The following HS3ST4 variants were observed in gnomAD, a reference collection of about 807,000 sequenced individuals.
HS3ST4 encodes heparan sulfate-glucosamine 3-sulfotransferase 4, also known as heparan sulfate glucosamine 3-O-sulfotransferase 4.
In HS3ST4, 17 loss-of-function variants were observed where a neutral mutation model predicts 29.2. The ratio of observed to expected loss-of-function variants is 0.58; its 90% confidence interval spans 0.40 to 0.87. The LOEUF (loss-of-function observed/expected upper bound fraction) is 0.87. Ranked by LOEUF, HS3ST4 falls within the 40% of genes least tolerant of loss-of-function variation. HS3ST4 has a pLI of 0.00. For missense variants in HS3ST4, 627 were observed against 634.5 expected, an observed-to-expected ratio of 0.99 and a Z score of 0.13; for synonymous variants, 314 against 285.7, an observed-to-expected ratio of 1.10 and a Z score of -1.00.
chr16:25,959,052 G>A (rs981092159), intron 1 of HS3ST4, among the ~76,000 whole-genome samples: 4 of 152,214 alleles, frequency 2.6e-5, no homozygotes, highest in African/African-American at 9.6e-5. Flanking sequence ...CACCACATGA[G>A]GAGTTGGGAG....
chr16:25,883,263 C>T (rs1191074328), intron 1 of HS3ST4, among the ~76,000 whole-genome samples: 1 of 151,218 alleles, frequency 6.6e-6, no homozygotes. Context: ...AAAAGACAGG[C>T]TCTTGAAACT....
chr16:25,973,776 C>T (rs1968918245), intron 1 of HS3ST4, among the ~76,000 whole-genome samples: 1 of 152,168 alleles, frequency 6.6e-6, no homozygotes, highest in Non-Finnish European at 1.5e-5. Context: ...GTTTTATGAG[C>T]TTTTCTTACC....
At chr16:26,110,280 G>A (rs111999789) in intron 1 of HS3ST4, among the ~76,000 whole-genome samples, 5,874 of 151,960 alleles carry the variant, frequency 0.039, 354 homozygotes, top group African/African-American at 0.13. Flanking sequence ...TATATATATG[G>A]TATACATACA....
chr16:25,743,128 G>A (rs970848156), intron 1 of HS3ST4, among the ~76,000 whole-genome samples: 1 of 152,118 alleles, frequency 6.6e-6, no homozygotes, highest in African/African-American at 2.4e-5. Context: ...TGGCACTCAC[G>A]GGAAACCTTG....
At chr16:25,750,518 T>C (rs115201064) in intron 1 of HS3ST4, among the ~76,000 whole-genome samples, 1,672 of 152,326 alleles carry the variant, frequency 0.011, 34 homozygotes, top group African/African-American at 0.037. Context: ...GTCTAGATGT[T>C]GACAGCTGTT....
Position 26,055,495 on chromosome 16 carries a change from A to G in HS3ST4, c.735-80117A>G, listed in dbSNP as rs142591721. On this transcript the variant is annotated intron_variant, in intron 1 of 1. Coordinates refer to ENST00000331351, the MANE Select transcript of HS3ST4 (RefSeq NM_006040.3). Reference sequence around the variant, plus strand: ...CAATGACTTGGTGGGCACAGAGGCTATCAGGGAAGATGTCACATGCACCTG... The same window carrying G: ...CAATGACTTGGTGGGCACAGAGGCTGTCAGGGAAGATGTCACATGCACCTG... Among the ~76,000 whole-genome samples, 245 of 152,264 alleles carry G rather than the reference A, an allele frequency of 1.6e-3. 1 individual carries two copies. Among genetic ancestry groups the G allele is most frequent in the Middle Eastern group, 3.4e-3 (1 of 294 alleles).
intron 1 of HS3ST4, among the ~76,000 whole-genome samples, chr16:25,821,560 T>A (rs1027297100): frequency 5.3e-5 from 8 of 152,222 alleles, no homozygotes; most frequent in African/African-American, 1.9e-4. Flanking sequence ...TTTTATAGAT[T>A]GTTTTTATTT....
At chr16:25,698,242 A>C (rs1005037508) in intron 1 of HS3ST4, among the ~76,000 whole-genome samples, 7 of 152,164 alleles carry the variant, frequency 4.6e-5, no homozygotes, top group Admixed American at 3.9e-4. Context: ...CATATGAGTT[A>C]TATTAAGTAG....
At chr16:25,970,938 C>T (rs928309919) in intron 1 of HS3ST4, among the ~76,000 whole-genome samples, 3 of 152,068 alleles carry the variant, frequency 2.0e-5, no homozygotes, top group Non-Finnish European at 4.4e-5. Flanking sequence ...GCAACCTCTG[C>T]CTCCTGGGTT....
At chr16:26,037,727 G>A (rs1285347265) in intron 1 of HS3ST4, among the ~76,000 whole-genome samples, 3 of 152,052 alleles carry the variant, frequency 2.0e-5, no homozygotes, top group African/African-American at 4.8e-5. Flanking sequence ...CCTTTCATTG[G>A]TGCCATTACC....
At chr16:25,743,574 C>T (rs554965325) in intron 1 of HS3ST4, among the ~76,000 whole-genome samples, 7 of 152,178 alleles carry the variant, frequency 4.6e-5, no homozygotes, top group South Asian at 2.1e-4. Context: ...GGTACGATAT[C>T]GGCTCACTAC....
intron 1 of HS3ST4, among the ~76,000 whole-genome samples, chr16:25,720,635 C>T (rs750157387): frequency 4.6e-5 from 7 of 152,098 alleles, no homozygotes; most frequent in African/African-American, 1.4e-4. Flanking sequence ...TTGTGCAAGC[C>T]GGGGTCACTA....
intron 1 of HS3ST4, among the ~76,000 whole-genome samples, chr16:25,872,880 AGTTTTGTTTTGTTTT>A (rs146736666): frequency 1.3e-5 from 2 of 151,536 alleles, no homozygotes; most frequent in Admixed American, 1.3e-4. Context: ...TATTTCAAGG[AGTTTTGTTTTGTTTT>A]GTTTTGTTTT....
intron 1 of HS3ST4, among the ~76,000 whole-genome samples, chr16:25,741,235 C>T (rs1349653107): frequency 1.3e-5 from 2 of 151,694 alleles, no homozygotes; most frequent in Admixed American, 1.3e-4. Context: ...TTTTTTATTG[C>T]TTTAAATGAT....
chr16:25,785,062 C>A (rs1437190371), intron 1 of HS3ST4, among the ~76,000 whole-genome samples: 2 of 152,182 alleles, frequency 1.3e-5, no homozygotes, highest in East Asian at 1.9e-4. Context: ...AGAAATGGAA[C>A]AACAAAGCCT....
At chr16:25,932,542 TAAC>T (rs1358620369) in intron 1 of HS3ST4, among the ~76,000 whole-genome samples, 1 of 152,152 alleles carries the variant, frequency 6.6e-6, no homozygotes, top group African/African-American at 2.4e-5. Context: ...CATGTCAACC[TAAC>T]AACATCCCCA....
chr16:25,713,840 A>G (rs1966433834), intron 1 of HS3ST4, among the ~76,000 whole-genome samples: 1 of 152,172 alleles, frequency 6.6e-6, no homozygotes. Context: ...CCTGGGGGAC[A>G]CATTTGCAAA....
At chr16:25,985,268 A>C (rs1472169417) in intron 1 of HS3ST4, among the ~76,000 whole-genome samples, 1 of 152,224 alleles carries the variant, frequency 6.6e-6, no homozygotes, top group Non-Finnish European at 1.5e-5. Flanking sequence ...ATGCAGGTGA[A>C]TTGAGACAAT....
At chr16:25,786,188 A>G (rs1244567650) in intron 1 of HS3ST4, among the ~76,000 whole-genome samples, 1 of 152,196 alleles carries the variant, frequency 6.6e-6, no homozygotes, top group African/African-American at 2.4e-5. Context: ...GGAAATGGGC[A>G]TTATTGCGCA....
Sources: allele counts gnomAD v4.1 joint callset (sites outside exome capture counted in the v4.1 genomes callset), GRCh38; gene constraint gnomAD v4.1.1; transcripts MANE v1.5; gene names NCBI Gene and HGNC (gene_info 2026-07-23, HGNC 2026-07-21).